Variants in B3GALNT2 observed in about 807,000 individuals in gnomAD.
B3GALNT2 encodes the protein UDP-GalNAc:beta-1,3-N-acetylgalactosaminyltransferase 2.
Under a neutral mutation model 61.1 loss-of-function variants are expected in B3GALNT2, and 53 were observed. That is an observed-to-expected ratio of 0.87 (90% CI 0.70 to 1.09). The LOEUF (loss-of-function observed/expected upper bound fraction) is 1.09. Ranked by LOEUF, B3GALNT2 falls within the 50% of genes least tolerant of loss-of-function variation. The probability of loss-of-function intolerance (pLI) is 0.00; values close to 1 mark genes in which losing one functional copy is unlikely to be tolerated. For missense variants in B3GALNT2, 544 were observed against 623.0 expected (o/e 0.87, Z 1.35); for synonymous variants, 223 against 237.4 (o/e 0.94, Z 0.56).
chr1:235,450,391 A>G (rs750496934), intron 11 of B3GALNT2, 51 bp from the exon 12 acceptor site: 3 of 1,584,814 alleles, frequency 1.9e-6, no homozygotes, highest in Non-Finnish European at 2.6e-6. Context: ...CTGTTTTAAG[A>G]GCATCAGAAA....
At chr1:235,487,857 T>C (rs1451117793) in intron 3 of B3GALNT2, among the ~76,000 whole-genome samples, 3 of 152,108 alleles carry the variant, frequency 2.0e-5, no homozygotes, top group Non-Finnish European at 4.4e-5. Context: ...AAGCAGATCA[T>C]AGCTTACTGC....
intron 1 of B3GALNT2, among the ~76,000 whole-genome samples, chr1:235,496,934 AATCTAACACCATTCTTT>A (rs1433798506): frequency 6.6e-6 from 1 of 152,226 alleles, no homozygotes; most frequent in African/African-American, 2.4e-5. Context: ...AATCCCAGGC[AATCTAACACCATTCTTT>A]ATCACTGTTC....
intron 2 of B3GALNT2, among the ~76,000 whole-genome samples, chr1:235,492,336 C>G (rs1685105164): frequency 6.6e-6 from 1 of 152,106 alleles, no homozygotes; most frequent in South Asian, 2.1e-4. Context: ...CTTACTAGAT[C>G]CACAAAATTA....
rs973535871 is a variant in B3GALNT2, at chr1:235,448,831, C to G, written c.*1375G>C. 2.6e-6 allele frequency: 3 copies of G among 1,133,824 alleles called. No homozygotes were observed. The highest frequency in any genetic ancestry group is 4.0e-6 in the Non-Finnish European group (3 of 752,894). 70.2% of individuals were successfully genotyped at this position (1,133,824 alleles called of 1,614,324 possible). A position where few individuals can be genotyped will look rare whatever the true frequency, so the allele number is the denominator to read the frequency against. ...TGGGGTTCACCGGAAATAAATGATT[C>G]ACTGGAACAATTCTACTGTCAAAAC... On this transcript the variant is annotated 3_prime_UTR_variant, in exon 12 of 12. Coordinates refer to ENST00000366600, the MANE Select transcript of B3GALNT2 (RefSeq NM_152490.5).
At chr1:235,482,067 A>C (rs1684587122) in intron 4 of B3GALNT2, among the ~76,000 whole-genome samples, 1 of 152,214 alleles carries the variant, frequency 6.6e-6, no homozygotes, top group Admixed American at 6.5e-5. Flanking sequence ...ATTTTAAAAA[A>C]CTGAACAGAG....
At chr1:235,481,897 T>G (rs973003619) in intron 4 of B3GALNT2, among the ~76,000 whole-genome samples, 12 of 152,206 alleles carry the variant, frequency 7.9e-5, no homozygotes, top group African/African-American at 2.7e-4. Context: ...CTGTCTTATA[T>G]TTATGTCTAT....
At chr1:235,481,000 G>C (rs1034541522) in intron 4 of B3GALNT2, among the ~76,000 whole-genome samples, 2 of 146,248 alleles carry the variant, frequency 1.4e-5, no homozygotes, top group Non-Finnish European at 3.0e-5. Context: ...ATTTCTTCCA[G>C]GCAACATTTC....
intron 2 of B3GALNT2, 50 bp from the exon 3 acceptor site, chr1:235,489,318 A>G (rs1371229026): frequency 1.9e-6 from 3 of 1,606,174 alleles, no homozygotes; most frequent in African/African-American, 1.3e-5. Context: ...CACCTCGCAC[A>G]TGCACGTTTC....
At chr1:235,444,844 T>C (rs146367553), downstream of B3GALNT2, among the ~76,000 whole-genome samples, 1 of 152,282 alleles carries the variant, frequency 6.6e-6, no homozygotes, top group Non-Finnish European at 1.5e-5. Context: ...TAGACCTGTT[T>C]CGTTAAGCTT....
intron 3 of B3GALNT2, among the ~76,000 whole-genome samples, chr1:235,488,908 A>G (rs948654559): frequency 3.9e-4 from 60 of 151,952 alleles, no homozygotes; most frequent in Admixed American, 1.7e-3. Flanking sequence ...TTAAAAAATT[A>G]GCCAGTTTTC....
chr1:235,492,588 T>C (rs1476488499), intron 2 of B3GALNT2, among the ~76,000 whole-genome samples: 1 of 152,088 alleles, frequency 6.6e-6, no homozygotes, highest in Non-Finnish European at 1.5e-5. Context: ...AATACACCAG[T>C]GAAAAAACCT....
At chr1:235,461,089 C>T (rs1173389338) in intron 7 of B3GALNT2, among the ~76,000 whole-genome samples, 1 of 152,008 alleles carries the variant, frequency 6.6e-6, no homozygotes, top group Non-Finnish European at 1.5e-5. Context: ...TTGAAAAATA[C>T]AAAGAAAATG....
Position 235,448,274 on chromosome 1 carries a change from G to A in B3GALNT2, c.*1932C>T, listed in dbSNP as rs1238746099. On this transcript the variant is annotated 3_prime_UTR_variant, in exon 12 of 12. Coordinates refer to ENST00000366600, the MANE Select transcript of B3GALNT2 (RefSeq NM_152490.5). ...CAGCTATCATTGCAATGATACTGTG[G>A]TCTCATCACATGAGCTAGTTTTACA... 9.2e-7 allele frequency: 1 copy of A among 1,085,426 alleles called. No homozygotes were observed. The highest frequency in any genetic ancestry group is 1.4e-6 in the Non-Finnish European group (1 of 701,048). 67.2% of individuals were successfully genotyped at this position (1,085,426 alleles called of 1,614,324 possible).
chr1:235,456,382 CAT>C (rs1393701124), intron 8 of B3GALNT2, among the ~76,000 whole-genome samples: 29 of 152,164 alleles, frequency 1.9e-4, no homozygotes, highest in Middle Eastern at 3.2e-3. Flanking sequence ...GGGTGCCAGT[CAT>C]ATGTCAGAAA....
intron 1 of B3GALNT2, among the ~76,000 whole-genome samples, chr1:235,502,765 A>C (rs976143117): frequency 3.3e-5 from 5 of 152,228 alleles, no homozygotes; most frequent in African/African-American, 1.2e-4. Context: ...AACAGACTTA[A>C]TGACGCTCTA....
At chr1:235,470,768 C>A in intron 6 of B3GALNT2, 82 bp downstream of exon 6, 1 of 1,534,510 alleles carries the variant, frequency 6.5e-7, no homozygotes. Flanking sequence ...GCTGCCTGGG[C>A]TCTAAGGTAA....
At chr1:235,502,062 G>A (rs2102875951) in intron 1 of B3GALNT2, among the ~76,000 whole-genome samples, 1 of 152,264 alleles carries the variant, frequency 6.6e-6, no homozygotes, top group South Asian at 2.1e-4. Flanking sequence ...ACCCAGGCTG[G>A]AGTGCAGTGG....
chr1:235,450,611 T>C (rs1326182808), intron 11 of B3GALNT2: 1 of 390,386 alleles, frequency 2.6e-6, no homozygotes, highest in Non-Finnish European at 4.8e-6. Flanking sequence ...TAATGAACGA[T>C]TTTAGAAACC....
chr1:235,498,347 G>A (rs566966473), intron 1 of B3GALNT2, among the ~76,000 whole-genome samples: 52 of 152,168 alleles, frequency 3.4e-4, no homozygotes, highest in Middle Eastern at 3.4e-3. Context: ...TGATACAGAA[G>A]GACATAAAGA....
Sources: allele counts gnomAD v4.1 joint callset (sites outside exome capture counted in the v4.1 genomes callset), GRCh38; gene constraint gnomAD v4.1.1; transcripts MANE v1.5; gene names NCBI Gene and HGNC (gene_info 2026-07-23, HGNC 2026-07-21).